SGCZ: variants seen among roughly 807,000 people sequenced by gnomAD.
The protein encoded by SGCZ is sarcoglycan zeta.
Under a neutral mutation model 41.3 loss-of-function variants are expected in SGCZ, and 40 were observed. The ratio of observed to expected loss-of-function variants is 0.97; its 90% CI spans 0.75 to 1.26. SGCZ has a LOEUF of 1.26. Ranked by LOEUF, SGCZ falls within the 50% of genes most tolerant of loss-of-function variation. The pLI, the probability that SGCZ is intolerant of heterozygous loss-of-function variation, is 0.00. For missense variants in SGCZ, 552 were observed against 369.8 expected (o/e 1.49, Z -4.04); for synonymous variants, 206 against 137.5 (o/e 1.50, Z -3.49).
At position 14,684,701 on chromosome 8, in the gene SGCZ, T is replaced by G. The variant is rs1338120452; in HGVS notation, c.40-129775A>C. ...GACACCTTTGTTTTTCCTTTTTTTG[T>G]TTTTTTTTGGTTTTTGGTAAAACAG... On this transcript the variant is annotated intron_variant, in intron 1 of 7. Transcript: ENST00000382080. Among the ~76,000 whole-genome samples, 586 of 135,222 alleles carry G rather than the reference T, an allele frequency of 4.3e-3. 4 individuals carry two copies. The highest frequency in any genetic ancestry group is 0.013 in the African/African-American group (524 of 39,074). The allele number at this position is 135,222 out of a possible 152,430, so 88.7% of individuals were successfully genotyped here.
intron 1 of SGCZ, among the ~76,000 whole-genome samples, chr8:14,746,297 A>G (rs945107857): frequency 4.6e-5 from 7 of 152,132 alleles, no homozygotes; most frequent in African/African-American, 1.7e-4. Context: ...CACGTTCCAC[A>G]TTGCGTAAGT....
chr8:14,372,227 A>T (rs139233674), intron 2 of SGCZ, among the ~76,000 whole-genome samples: 1,634 of 152,294 alleles, frequency 0.011, 26 homozygotes, highest in African/African-American at 0.036. Flanking sequence ...AATTATATGA[A>T]GACTAAATTT....
chr8:15,007,125 A>G (rs1280089863), intron 1 of SGCZ, among the ~76,000 whole-genome samples: 1 of 152,238 alleles, frequency 6.6e-6, no homozygotes, highest in Admixed American at 6.5e-5. Context: ...ACAAGTAATT[A>G]GCTGCTCCAA....
chr8:14,523,365 T>G (rs1419414585), intron 2 of SGCZ, among the ~76,000 whole-genome samples: 3 of 152,058 alleles, frequency 2.0e-5, no homozygotes, highest in Non-Finnish European at 2.9e-5. Flanking sequence ...GAATATTTCT[T>G]CATTTTGTCC....
At chr8:15,058,352 C>G (rs1804792527) in intron 1 of SGCZ, among the ~76,000 whole-genome samples, 1 of 152,104 alleles carries the variant, frequency 6.6e-6, no homozygotes, top group Non-Finnish European at 1.5e-5. Context: ...GCAAGTTAAG[C>G]TGAATCACAT....
At position 14,378,996 on chromosome 8, in the gene SGCZ, C is replaced by T. The variant is rs529203666; in HGVS notation, c.235-54792G>A. ...GGATGCTTTCTTACGTAATATAATA[C>T]CTTTAAGTTGATCATTATCCCAGAA... On this transcript the variant is annotated intron_variant, in intron 2 of 7. Transcript: ENST00000382080. Among the ~76,000 whole-genome samples, 11 of 152,062 alleles carry T rather than the reference C, an allele frequency of 7.2e-5. No individual in the cohort carries two copies. The East Asian group carries it at 2.1e-3, about 29-fold the overall frequency.
Position 14,310,864 on chromosome 8 carries a change from G to C in SGCZ, c.336+13239C>G, listed in dbSNP as rs548195631. ...GAAAAACCAGTAGTAGCAAGCTTCA[G>C]AGTCTCAGGGTAGACCAAATTTCAG... On this transcript the variant is annotated intron_variant, in intron 3 of 7. Transcript: ENST00000382080. 7.6e-4 allele frequency among the ~76,000 whole-genome samples: 115 copies of C among 152,194 alleles called. 2 individuals are homozygous for C. The South Asian group carries it at 0.023, about 31-fold the overall frequency.
intron 1 of SGCZ, among the ~76,000 whole-genome samples, chr8:14,646,632 T>C (rs1807227011): frequency 6.6e-6 from 1 of 150,516 alleles, no homozygotes; most frequent in Admixed American, 6.6e-5. Context: ...GAGAAATTTC[T>C]GAACTTCTTT....
At chr8:14,481,156 T>A (rs1801524974) in intron 2 of SGCZ, among the ~76,000 whole-genome samples, 1 of 149,850 alleles carries the variant, frequency 6.7e-6, no homozygotes, top group Non-Finnish European at 1.5e-5. Context: ...ATACACACAT[T>A]ATACAAAATA....
intron 5 of SGCZ, among the ~76,000 whole-genome samples, chr8:14,129,692 A>T (rs1436472166): frequency 2.0e-5 from 3 of 151,786 alleles, no homozygotes; most frequent in East Asian, 3.9e-4. Flanking sequence ...ATACGTCATT[A>T]AAAAAAATCA....
chr8:14,345,597 G>C (rs1325905116), intron 2 of SGCZ, among the ~76,000 whole-genome samples: 2 of 152,110 alleles, frequency 1.3e-5, no homozygotes, highest in Admixed American at 6.6e-5. Flanking sequence ...TTAATAACGT[G>C]AGTTAAGCCT....
At chr8:14,778,248 G>A (rs954539407) in intron 1 of SGCZ, among the ~76,000 whole-genome samples, 2 of 152,112 alleles carry the variant, frequency 1.3e-5, no homozygotes, top group African/African-American at 4.8e-5. Context: ...AGTTAACACA[G>A]GCTTTTGGGG....
intron 1 of SGCZ, among the ~76,000 whole-genome samples, chr8:14,889,680 T>A (rs1804938084): frequency 6.6e-6 from 1 of 152,122 alleles, no homozygotes; most frequent in Middle Eastern, 3.2e-3. Context: ...TGTTATTATG[T>A]ATTTGAACAT....
chr8:15,213,995 C>A (rs1302273749), intron 1 of SGCZ, among the ~76,000 whole-genome samples: 1 of 151,760 alleles, frequency 6.6e-6, no homozygotes, highest in South Asian at 2.1e-4. Flanking sequence ...TTAAACTTGC[C>A]TAAGTTATTA....
At chr8:14,657,260 G>C (rs1235680906) in intron 1 of SGCZ, among the ~76,000 whole-genome samples, 2 of 152,010 alleles carry the variant, frequency 1.3e-5, no homozygotes, top group Non-Finnish European at 2.9e-5. Flanking sequence ...GTTCCCTCAT[G>C]AACAGGAAGG....
intron 1 of SGCZ, among the ~76,000 whole-genome samples, chr8:15,208,023 G>A (rs1254203940): frequency 7.9e-5 from 12 of 152,158 alleles, no homozygotes; most frequent in Admixed American, 4.6e-4. Context: ...AACACTGAAT[G>A]TAAATTTCCT....
At chr8:14,834,054 T>A (rs1802616905) in intron 1 of SGCZ, among the ~76,000 whole-genome samples, 2 of 152,196 alleles carry the variant, frequency 1.3e-5, no homozygotes, top group South Asian at 4.1e-4. Flanking sequence ...ATGAAAGGAG[T>A]TACTAACAGC....
intron 1 of SGCZ, among the ~76,000 whole-genome samples, chr8:14,634,484 T>A (rs1216725835): frequency 4.6e-5 from 7 of 151,876 alleles, no homozygotes; most frequent in Non-Finnish European, 1.0e-4. Context: ...GTGTACCAAG[T>A]TATTGCAGAA....
chr8:14,915,011 A>C (rs1480110286), intron 1 of SGCZ, among the ~76,000 whole-genome samples: 2 of 152,172 alleles, frequency 1.3e-5, no homozygotes, highest in East Asian at 3.9e-4. Context: ...TCTTTGCTAC[A>C]TCTAATTTAT....
Sources: gnomAD v4.1 joint callset for allele counts (sites outside exome capture counted in the v4.1 genomes callset) on GRCh38, gnomAD v4.1.1 for gene constraint, MANE v1.5 for transcripts, NCBI Gene and HGNC (gene_info 2026-07-23, HGNC 2026-07-21) for gene names.